Variants in NRXN3 observed in about 807,000 individuals in gnomAD.
The protein encoded by NRXN3 is neurexin III.
In NRXN3, 32 loss-of-function variants were observed where a neutral mutation model predicts 137.6. The ratio of observed to expected loss-of-function variants is 0.23; its 90% CI spans 0.18 to 0.31. The LOEUF is 0.31. Ranked by LOEUF, NRXN3 falls within the 10% of genes least tolerant of loss-of-function variation. NRXN3 has a pLI of 1.00. For synonymous variants in NRXN3, 798 were observed against 784.5 expected, an observed-to-expected ratio of 1.02 and a Z score of -0.29; for missense variants, 1,574 against 2,062.5, an observed-to-expected ratio of 0.76 and a Z score of 4.59.
intron 8 of NRXN3, among the ~76,000 whole-genome samples, chr14:78,793,151 T>A (rs1406670609): frequency 6.6e-6 from 1 of 152,098 alleles, no homozygotes; most frequent in African/African-American, 2.4e-5. Context: ...ATTTACATAA[T>A]CATTAATTAT....
At chr14:79,490,469 A>C (rs1044514230) in intron 16 of NRXN3, among the ~76,000 whole-genome samples, 3 of 152,246 alleles carry the variant, frequency 2.0e-5, no homozygotes, top group Non-Finnish European at 2.9e-5. Context: ...TACACAATGG[A>C]GTACTATTCA....
chr14:79,095,730 T>C (rs1225817607), intron 15 of NRXN3, among the ~76,000 whole-genome samples: 3 of 152,218 alleles, frequency 2.0e-5, no homozygotes, highest in African/African-American at 7.2e-5. Flanking sequence ...TAATTATCTG[T>C]ACACCTCCAC....
intron 15 of NRXN3, among the ~76,000 whole-genome samples, chr14:79,396,978 C>T (rs1056657892): frequency 6.6e-5 from 10 of 152,052 alleles, no homozygotes; most frequent in African/African-American, 2.2e-4. Flanking sequence ...TTCTGACCTC[C>T]TAGTATAATG....
chr14:79,526,331 G>A (rs1031210613), intron 16 of NRXN3, among the ~76,000 whole-genome samples: 6 of 152,166 alleles, frequency 3.9e-5, no homozygotes, highest in Admixed American at 2.0e-4. Context: ...ACAAGTGTGA[G>A]CTGCCACCTG....
At position 79,059,212 on chromosome 14, in the gene NRXN3, A is replaced by G. The variant is rs150934003; in HGVS notation, c.3262+71071A>G. Among the ~76,000 whole-genome samples the G allele has an allele frequency of 3.5e-3, 508 of 147,238 alleles. 2 individuals carry two copies. The highest frequency in any genetic ancestry group is 0.012 in the African/African-American group (486 of 39,314). On this transcript the variant is annotated intron_variant, in intron 15 of 20. Coordinates refer to ENST00000335750, the MANE Select transcript of NRXN3 (RefSeq NM_001330195.2). The stretch of plus-strand genomic sequence containing the variant: ...ACCAGCAGATCAAAACAATGAGGGC[A>G]TTGATCTATCATAAGAAGGCTGCCT...
chr14:79,196,077 A>C (rs1040716448), intron 15 of NRXN3, among the ~76,000 whole-genome samples: 1 of 152,186 alleles, frequency 6.6e-6, no homozygotes, highest in Admixed American at 6.5e-5. Flanking sequence ...CCAGGGAGGG[A>C]GCACACTAGT....
intron 15 of NRXN3, among the ~76,000 whole-genome samples, chr14:79,273,199 A>C (rs1479798133): frequency 1.3e-5 from 2 of 149,884 alleles, no homozygotes; most frequent in East Asian, 4.0e-4. Context: ...AAAAAAAAAA[A>C]ATGGGTGGGA....
chr14:78,524,373 T>C (rs1357971101), intron 4 of NRXN3, among the ~76,000 whole-genome samples: 1 of 152,234 alleles, frequency 6.6e-6, no homozygotes, highest in East Asian at 1.9e-4. Context: ...ATAGCATGTG[T>C]ATGTCTATTA....
intron 16 of NRXN3, among the ~76,000 whole-genome samples, chr14:79,548,599 C>G (rs769556835): frequency 3.3e-5 from 5 of 152,000 alleles, no homozygotes; most frequent in Non-Finnish European, 5.9e-5. Context: ...CCACCCTTTC[C>G]TTCCATGAGC....
chr14:79,788,348 T>C (rs1056321154), intron 19 of NRXN3, among the ~76,000 whole-genome samples: 10 of 152,206 alleles, frequency 6.6e-5, no homozygotes, highest in Admixed American at 2.6e-4. Flanking sequence ...CCAATTCTGT[T>C]GAAATAAACA....
At chr14:78,308,305 G>A (rs917066653) in intron 4 of NRXN3, among the ~76,000 whole-genome samples, 3 of 152,222 alleles carry the variant, frequency 2.0e-5, no homozygotes, top group South Asian at 2.1e-4. Flanking sequence ...TTCTGTGAGT[G>A]TGTGATTTTC....
chr14:78,423,329 A>AT (rs1296922887), intron 4 of NRXN3, among the ~76,000 whole-genome samples: 1 of 151,944 alleles, frequency 6.6e-6, no homozygotes, highest in Non-Finnish European at 1.5e-5. Context: ...CTCTCACCTA[A>AT]TTTTTTTTCT....
At chr14:79,230,257 ATGT>A (rs2071911331) in intron 15 of NRXN3, among the ~76,000 whole-genome samples, 3 of 152,096 alleles carry the variant, frequency 2.0e-5, no homozygotes, top group Admixed American at 1.3e-4. Flanking sequence ...TGAGAGGAAC[ATGT>A]TGTGTTGGCA....
chr14:78,323,039 G>A (rs1258882568), intron 4 of NRXN3, among the ~76,000 whole-genome samples: 1 of 151,990 alleles, frequency 6.6e-6, no homozygotes, highest in African/African-American at 2.4e-5. Flanking sequence ...ACAAATAAAG[G>A]CTTGATGTTA....
chr14:78,765,197 A>G (rs1169634873), intron 8 of NRXN3, among the ~76,000 whole-genome samples: 1 of 152,122 alleles, frequency 6.6e-6, no homozygotes, highest in African/African-American at 2.4e-5. Context: ...CTTGTTGCCC[A>G]GGCTGGAGTG....
intron 16 of NRXN3, among the ~76,000 whole-genome samples, chr14:79,505,222 A>C (rs1350464050): frequency 6.6e-6 from 1 of 152,052 alleles, no homozygotes; most frequent in Non-Finnish European, 1.5e-5. Context: ...TCTCAAAAAA[A>C]AAAAAAAAAG....
At chr14:79,004,228 A>C (rs1413486160) in intron 15 of NRXN3, among the ~76,000 whole-genome samples, 1 of 152,114 alleles carries the variant, frequency 6.6e-6, no homozygotes, top group Non-Finnish European at 1.5e-5. Flanking sequence ...GAGCCTTTGC[A>C]TGGTGTTCAT....
chr14:78,895,919 G>A (rs2099172769), intron 10 of NRXN3, among the ~76,000 whole-genome samples: 1 of 151,816 alleles, frequency 6.6e-6, no homozygotes, highest in African/African-American at 2.4e-5. Flanking sequence ...CATGATTTGT[G>A]TTGCCTTCAA....
intron 15 of NRXN3, among the ~76,000 whole-genome samples, chr14:79,382,306 A>T (rs1385162633): frequency 6.6e-6 from 1 of 152,194 alleles, no homozygotes; most frequent in Non-Finnish European, 1.5e-5. Flanking sequence ...GAGAAAGTAC[A>T]AAGATACCTT....
Sources: allele counts gnomAD v4.1 joint callset (sites outside exome capture counted in the v4.1 genomes callset), GRCh38; gene constraint gnomAD v4.1.1; transcripts MANE v1.5; gene names NCBI Gene and HGNC (gene_info 2026-07-23, HGNC 2026-07-21).